The following CRISPLD2 variants were observed in gnomAD, a reference collection of about 807,000 sequenced individuals.
The protein encoded by CRISPLD2 is cysteine rich secretory protein LCCL domain containing 2.
CRISPLD2 carries 47 observed loss-of-function variants against 71.1 expected under a neutral mutation model. That is an observed-to-expected ratio of 0.66 (90% CI 0.52 to 0.84). The LOEUF is 0.84. CRISPLD2 is among the 40% of genes least tolerant of loss of function. The pLI, the probability that CRISPLD2 is intolerant of heterozygous loss-of-function variation, is 0.00. For missense variants in CRISPLD2, 830 were observed against 651.1 expected, an observed-to-expected ratio of 1.27 and a Z score of -2.99; for synonymous variants, 317 against 250.1, an observed-to-expected ratio of 1.27 and a Z score of -2.52.
chr16:84,844,715 G>T (rs891529376), intron 2 of CRISPLD2, among the ~76,000 whole-genome samples: 6 of 152,074 alleles, frequency 3.9e-5, no homozygotes, highest in African/African-American at 1.4e-4. Context: ...ATTCATCTCG[G>T]GGCCCTTCTT....
At chr16:84,848,300 A>G (rs1916971973) in intron 3 of CRISPLD2, among the ~76,000 whole-genome samples, 2 of 152,286 alleles carry the variant, frequency 1.3e-5, no homozygotes, top group South Asian at 2.1e-4. Context: ...TCCAGACAGT[A>G]ATTGTTACAA....
At chr16:84,882,201 A>G (rs964348295) in intron 13 of CRISPLD2, among the ~76,000 whole-genome samples, 1 of 152,194 alleles carries the variant, frequency 6.6e-6, no homozygotes, top group Non-Finnish European at 1.5e-5. Flanking sequence ...AAGAGTGGCA[A>G]TATTCCTCTC....
intron 12 of CRISPLD2, among the ~76,000 whole-genome samples, chr16:84,879,708 A>G (rs1448864019): frequency 1.4e-5 from 2 of 145,462 alleles, no homozygotes; most frequent in Non-Finnish European, 3.0e-5. Flanking sequence ...CTCTCTACCC[A>G]CTCATTTCCC....
At chr16:84,843,849 T>C (rs374627434) in intron 2 of CRISPLD2, among the ~76,000 whole-genome samples, 5 of 152,206 alleles carry the variant, frequency 3.3e-5, no homozygotes, top group African/African-American at 1.2e-4. Flanking sequence ...GGCATGCTAC[T>C]TAACCTCTCC....
chr16:84,845,676 C>A (rs1916892779), intron 2 of CRISPLD2, 110 bp from the exon 3 acceptor site: 4 of 755,346 alleles, frequency 5.3e-6, no homozygotes, highest in African/African-American at 1.7e-5. Flanking sequence ...AGCAGCAGAG[C>A]ATTGGCTGTA....
At chr16:84,883,237 A>G (rs1300176958) in intron 13 of CRISPLD2, among the ~76,000 whole-genome samples, 1 of 152,228 alleles carries the variant, frequency 6.6e-6, no homozygotes, top group African/African-American at 2.4e-5. Context: ...CTGGGAAATG[A>G]TGATGGCTTT....
chr16:84,902,844 C>T (rs2071767713), intron 14 of CRISPLD2, among the ~76,000 whole-genome samples: 1 of 141,538 alleles, frequency 7.1e-6, no homozygotes, highest in Admixed American at 7.1e-5. Context: ...CGTGATCTCG[C>T]TCACCGCAAC....
intron 8 of CRISPLD2, among the ~76,000 whole-genome samples, chr16:84,870,210 G>C (rs2071455496): frequency 6.6e-6 from 1 of 151,938 alleles, no homozygotes; most frequent in Admixed American, 6.6e-5. Context: ...CAAAAAAGTA[G>C]AAAGAAAAAA....
At chr16:84,835,100 A>AT (rs1916583810) in intron 1 of CRISPLD2, among the ~76,000 whole-genome samples, 1 of 151,574 alleles carries the variant, frequency 6.6e-6, no homozygotes, top group Non-Finnish European at 1.5e-5. Context: ...TCTTTTTTTA[A>AT]TTTTTTTGAG....
chr16:84,851,132 C>A (rs1214800031), intron 5 of CRISPLD2, among the ~76,000 whole-genome samples: 1 of 152,250 alleles, frequency 6.6e-6, no homozygotes, highest in East Asian at 1.9e-4. Flanking sequence ...GCTGGCTGGG[C>A]AACCAGCATG....
At chr16:84,847,686 G>C (rs73250070) in intron 3 of CRISPLD2, among the ~76,000 whole-genome samples, 16,025 of 152,026 alleles carry the variant, frequency 0.11, 1,639 homozygotes, top group African/African-American at 0.27. Flanking sequence ...ACATGAAAGT[G>C]AAGTGTCTAA....
chr16:84,856,603 T>G (rs777483690), intron 6 of CRISPLD2, among the ~76,000 whole-genome samples: 3 of 152,184 alleles, frequency 2.0e-5, no homozygotes, highest in Non-Finnish European at 4.4e-5. Context: ...CCTTAATTCC[T>G]GAACTCGTGA....
chr16:84,853,507 A>T (rs1917146205), intron 5 of CRISPLD2, among the ~76,000 whole-genome samples: 1 of 152,124 alleles, frequency 6.6e-6, no homozygotes, highest in African/African-American at 2.4e-5. Context: ...TCCTCCCCAC[A>T]CTGCACGGCC....
At chr16:84,873,528 A>AAAAAAAAC (rs1555563864) in intron 10 of CRISPLD2, 1 of 183,454 alleles carries the variant, frequency 5.5e-6, no homozygotes, top group Admixed American at 6.2e-5. Context: ...CAAAAAAAAA[A>AAAAAAAAC]CCCACAGCTC....
At chr16:84,849,091 G>A (rs567585326) in intron 3 of CRISPLD2, 20 of 307,024 alleles carry the variant, frequency 6.5e-5, no homozygotes, top group East Asian at 3.5e-4. Flanking sequence ...GAGACCCCAG[G>A]TGAGCTCCTC....
At chr16:84,895,825 A>C (rs899619253) in intron 14 of CRISPLD2, among the ~76,000 whole-genome samples, 1 of 152,178 alleles carries the variant, frequency 6.6e-6, no homozygotes, top group South Asian at 2.1e-4. Flanking sequence ...TGGCCCAGGT[A>C]CCTCCCTGGA....
At chr16:84,905,551 A>G (rs1472191985) in intron 14 of CRISPLD2, among the ~76,000 whole-genome samples, 1 of 151,822 alleles carries the variant, frequency 6.6e-6, no homozygotes, top group African/African-American at 2.4e-5. Flanking sequence ...GGTGCACACC[A>G]TCATGCCTGG....
At chr16:84,846,304 G>C (rs1916913184) in intron 3 of CRISPLD2, among the ~76,000 whole-genome samples, 1 of 146,448 alleles carries the variant, frequency 6.8e-6, no homozygotes, top group African/African-American at 2.5e-5. Flanking sequence ...CCAGGATGGA[G>C]TGCAGTGGCG....
chr16:84,871,480 A>C (rs1265082304), intron 8 of CRISPLD2, among the ~76,000 whole-genome samples: 2 of 152,292 alleles, frequency 1.3e-5, no homozygotes, highest in East Asian at 3.9e-4. Context: ...TTGAGGCTAC[A>C]GTGAGCTGTG....
Sources: gnomAD v4.1 joint callset for allele counts (sites outside exome capture counted in the v4.1 genomes callset) on GRCh38, gnomAD v4.1.1 for gene constraint, MANE v1.5 for transcripts, NCBI Gene and HGNC (gene_info 2026-07-23, HGNC 2026-07-21) for gene names.